Variants in SUPT5H observed in about 807,000 individuals in gnomAD.
SUPT5H encodes the protein transcription elongation factor SPT5.
SUPT5H carries 24 observed loss-of-function variants against 142.5 expected under a neutral mutation model. The observed-to-expected ratio is 0.17, with a 90% CI of 0.12 to 0.24. The LOEUF (loss-of-function observed/expected upper bound fraction) is 0.24. Ranked by LOEUF, SUPT5H falls within the 10% of genes least tolerant of loss-of-function variation. The probability of loss-of-function intolerance (pLI) is 1.00; values close to 1 mark genes in which losing one functional copy is unlikely to be tolerated. For synonymous variants in SUPT5H, 546 were observed against 553.0 expected (o/e 0.99, Z 0.18); for missense variants, 893 against 1,471.8 (o/e 0.61, Z 6.43).
chr19:39,450,828 G>A (rs907580171), intron 2 of SUPT5H, among the ~76,000 whole-genome samples: 4 of 152,170 alleles, frequency 2.6e-5, no homozygotes, highest in African/African-American at 9.7e-5. Flanking sequence ...TAGTGCTACT[G>A]TGTCTTGAAC....
In SUPT5H at chr19:39,458,749, G is replaced by A. The variant is rs112761264; in HGVS notation, c.320-69G>A. The A allele has an allele frequency of 2.5e-5, 36 of 1,447,138 alleles. No individual in the cohort carries two copies. Among genetic ancestry groups the A allele is most frequent in the African/African-American group, 1.4e-4 (10 of 70,686 alleles). The allele number at this position is 1,447,138 out of a possible 1,614,324, so 89.6% of individuals were successfully genotyped here. A position where few individuals can be genotyped will look rare whatever the true frequency, so the allele number is the denominator to read the frequency against. ...CAAACCCTGGCCCTCTTAGCTGCAC[G>A]CTCCTATTTTCTCCAGGCCCCTGCC... On this transcript the variant is annotated intron_variant, in intron 5 of 29. Coordinates refer to ENST00000432763, the MANE Select transcript of SUPT5H (RefSeq NM_001111020.3). The surrounding 1 kb of genome is among the most constrained non-coding windows in gnomAD (Gnocchi z 4.2).
intron 1 of SUPT5H, 23 bp downstream of exon 1, chr19:39,445,660 C>T: frequency 5.3e-6 from 3 of 566,212 alleles, no homozygotes; most frequent in Non-Finnish European, 6.4e-6. Context: ...GCAGAGGTGG[C>T]AGTTCCGGGC....
chr19:39,469,426 G>A lies in SUPT5H; in HGVS notation c.1374+28G>A. 2 of 1,614,108 alleles carry A rather than the reference G, an allele frequency of 1.2e-6. No individual in the cohort carries two copies. Among genetic ancestry groups the A allele is most frequent in the Non-Finnish European group, 1.7e-6 (2 of 1,180,014 alleles). On this transcript the variant is annotated intron_variant, in intron 16 of 29. Coordinates refer to ENST00000432763, the MANE Select transcript of SUPT5H (RefSeq NM_001111020.3). The surrounding 1 kb of genome is among the most constrained non-coding windows in gnomAD (Gnocchi z 5.1). ...GGGTGCCCGGTGTTCTCGGGCAGGG[G>A]TTGGAGTGTTCAGGCACATCTGACT...
intron 3 of SUPT5H, among the ~76,000 whole-genome samples, chr19:39,455,117 A>T (rs2079070633): frequency 6.6e-6 from 1 of 152,230 alleles, no homozygotes; most frequent in Non-Finnish European, 1.5e-5. Context: ...TCGCAGTTGC[A>T]AAAGTTTGGT....
chr19:39,460,075 G>C, intron 10 of SUPT5H, 115 bp downstream of exon 10: 1 of 1,052,036 alleles, frequency 9.5e-7, no homozygotes. Flanking sequence ...TGCCTGCTGA[G>C]TGAGCTGCTT....
rs758041067 is a variant in SUPT5H at position 39,471,421 on chromosome 19, A to G, written c.1742A>G (p.Asn581Ser). 28 of 1,614,092 alleles carry G rather than the reference A, an allele frequency of 1.7e-5. No individual in the cohort carries two copies. Among genetic ancestry groups the G allele is most frequent in the East Asian group, 6.7e-5 (3 of 44,900 alleles). ...RHQAVTRKKD[N>S]RFAVALDSEQ... The stretch of plus-strand genomic sequence containing the variant: ...CAGGCTGTGACCCGGAAGAAGGACA[A>G]CCGCTTTGCTGTGGCCTTGGACTCA... The change falls in exon 19 of 30, where the codon AAC (asparagine) becomes AGC (serine). Residue 581 changes from asparagine (N) to serine (S), a missense_variant. By Grantham distance (46) the Asn-to-Ser change is conservative. This residue lies in a region of SUPT5H where 428 missense variants were observed against 763.5 expected (regional missense o/e 0.56). Coordinates refer to ENST00000432763, the MANE Select transcript of SUPT5H (RefSeq NM_001111020.3).
intron 3 of SUPT5H, among the ~76,000 whole-genome samples, chr19:39,455,426 G>T (rs1322372195): frequency 6.6e-6 from 1 of 151,818 alleles, no homozygotes; most frequent in African/African-American, 2.4e-5. Context: ...GCTGGGCGTG[G>T]TGGCGGGCGC....
chr19:39,451,738 G>T (rs2079025088), intron 2 of SUPT5H, among the ~76,000 whole-genome samples: 2 of 152,094 alleles, frequency 1.3e-5, no homozygotes, highest in Non-Finnish European at 2.9e-5. Flanking sequence ...CACCACATTG[G>T]CTAGGCGGGT....
chr19:39,475,077 C>G (rs560158412), intron 28 of SUPT5H: 1 of 332,436 alleles, frequency 3.0e-6, no homozygotes, highest in African/African-American at 2.1e-5. Context: ...TTTGTTGTGG[C>G]TGGAACATAA....
At chr19:39,467,075 A>T (rs1398938411) in intron 13 of SUPT5H, 2 of 188,914 alleles carry the variant, frequency 1.1e-5, no homozygotes, top group African/African-American at 4.7e-5. Flanking sequence ...GAAAAAAGTT[A>T]AAAAAATATT....
chr19:39,456,167 T>A (rs974540399), intron 3 of SUPT5H, among the ~76,000 whole-genome samples: 1 of 151,852 alleles, frequency 6.6e-6, no homozygotes, highest in Admixed American at 6.6e-5. Context: ...TCCACCCATC[T>A]CGGCCTCCCA....
rs199512686 is a variant in SUPT5H, at chr19:39,473,365, G to A, written c.2386+35G>A. On this transcript the variant is annotated intron_variant, in intron 24 of 29. Coordinates refer to ENST00000432763, the MANE Select transcript of SUPT5H (RefSeq NM_001111020.3). The surrounding 1 kb of genome is among the most constrained non-coding windows in gnomAD (Gnocchi z 5.8). ...CGCAGGGGACAGGGAAGAGGGGCTA[G>A]GGGGACCTAGAGAAGGGACAGGACA... The A allele has an allele frequency of 6.6e-4, 1,059 of 1,613,376 alleles. No individual in the cohort carries two copies. The highest frequency in any genetic ancestry group is 8.5e-4 in the Non-Finnish European group (1,006 of 1,179,850).
intron 2 of SUPT5H, among the ~76,000 whole-genome samples, chr19:39,448,337 G>C (rs2078978764): frequency 6.6e-6 from 1 of 152,172 alleles, no homozygotes; most frequent in Non-Finnish European, 1.5e-5. Context: ...TTGCAGTGAA[G>C]AGTTGGAGAA....
Position 39,470,241 on chromosome 19 carries a change from C to G in SUPT5H, c.1497C>G (p.Phe499Leu). The G allele has an allele frequency of 6.3e-7, 1 of 1,592,336 alleles. No homozygotes were observed. Among genetic ancestry groups the G allele is most frequent in the Non-Finnish European group, 8.6e-7 (1 of 1,165,484 alleles). The stretch of plus-strand genomic sequence containing the variant: ...TCATTGTGCGGGTGGAGGAGAATTT[C>G]GTTATCCTGTTCTCTGACCTCACCA... ...TGLIVRVEEN[F>L]VILFSDLTMH... is the part of the protein sequence containing the mutation. Residue 499 changes from phenylalanine to leucine, a missense_variant, in exon 17 of 30, where the codon TTC (phenylalanine) becomes TTG (leucine). Phe to Leu is a conservative substitution (Grantham distance 22). This residue lies in a region of SUPT5H where 428 missense variants were observed against 763.5 expected (regional missense o/e 0.56). Coordinates refer to ENST00000432763, the MANE Select transcript of SUPT5H (RefSeq NM_001111020.3). The surrounding 1 kb of genome is among the most constrained non-coding windows in gnomAD (Gnocchi z 5.8).
Position 39,458,747 on chromosome 19 carries a change from A to G in SUPT5H, c.320-71A>G. On this transcript the variant is annotated intron_variant, in intron 5 of 29. Transcript: ENST00000432763. This position sits in a 1 kb window ranked among gnomAD's most constrained non-coding sequence, Gnocchi z 4.2. ...GCCAAACCCTGGCCCTCTTAGCTGC[A>G]CGCTCCTATTTTCTCCAGGCCCCTG... 1 of 1,436,730 alleles carries G rather than the reference A, an allele frequency of 7.0e-7. No homozygotes were observed. The highest frequency in any genetic ancestry group is 9.5e-7 in the Non-Finnish European group (1 of 1,053,428). 89.0% of individuals were successfully genotyped at this position (1,436,730 alleles called of 1,614,324 possible).
Position 39,476,449 on chromosome 19 carries a change from T to C in SUPT5H, c.*50T>C. ...TCGGATGAAGAGTGATCCTCCTTCC[T>C]TCCCTGGCCCTTGGCTGTGACACAA... On this transcript the variant is annotated 3_prime_UTR_variant, in exon 30 of 30. Coordinates refer to ENST00000432763, the MANE Select transcript of SUPT5H (RefSeq NM_001111020.3). 6.2e-7 allele frequency: 1 copy of C among 1,607,170 alleles called. No homozygotes were observed. The highest frequency in any genetic ancestry group is 8.5e-7 in the Non-Finnish European group (1 of 1,176,558).
rs772020805 is a variant in SUPT5H at position 39,472,460 on chromosome 19, C to T, written c.2002C>T (p.Arg668Trp). Reference sequence around the variant, plus strand: ...GGGTGGCTTTGCGCCTATGAGTCCCCGGATCAGCAGCCCCATGCACCCCAG... The same window carrying T: ...GGGTGGCTTTGCGCCTATGAGTCCCTGGATCAGCAGCCCCATGCACCCCAG... ...TVGGFAPMSP[R>W]ISSPMHPSAG... Residue 668 changes from arginine to tryptophan, a missense_variant, in exon 21 of 30, where the codon CGG becomes TGG. Coordinates refer to ENST00000432763, the MANE Select transcript of SUPT5H (RefSeq NM_001111020.3). The surrounding 1 kb of genome is among the most constrained non-coding windows in gnomAD (Gnocchi z 4.2). 24 of 1,614,048 alleles carry T rather than the reference C, an allele frequency of 1.5e-5. No homozygotes were observed. Among genetic ancestry groups the T allele is most frequent in the Non-Finnish European group, 1.4e-5 (17 of 1,179,990 alleles).
chr19:39,470,547 G>A lies in SUPT5H; in HGVS notation c.1677+24G>A, dbSNP rs755681351. ...AGGTGTGTGTGTTGTGCTCTGTGGC[G>A]GGGACTTGCTTTTAGGAGGCTTCCT... On this transcript the variant is annotated intron_variant, in intron 18 of 29. Coordinates refer to ENST00000432763, the MANE Select transcript of SUPT5H (RefSeq NM_001111020.3). The surrounding 1 kb of genome is among the most constrained non-coding windows in gnomAD (Gnocchi z 5.8). The A allele has an allele frequency of 4.7e-5, 70 of 1,496,384 alleles. No individual in the cohort carries two copies. The highest frequency in any genetic ancestry group is 2.7e-4 in the South Asian group (20 of 72,906). The allele number at this position is 1,496,384 out of a possible 1,614,324, so 92.7% of individuals were successfully genotyped here.
chr19:39,452,649 A>G lies in SUPT5H; in HGVS notation c.76-707A>G, dbSNP rs536735941. Among the ~76,000 whole-genome samples, 7 of 152,178 alleles carry G rather than the reference A, an allele frequency of 4.6e-5. No individual in the cohort carries two copies. In the South Asian group the frequency reaches 1.5e-3, roughly 32 times the overall value. On this transcript the variant is annotated intron_variant, in intron 2 of 29. Transcript: ENST00000432763. ...AGTGTGGACTAGAAACAGAGATGGGAGTCACTGTCACAGAGATGTCCACCA... is the reference window on the plus strand; with the variant it reads ...AGTGTGGACTAGAAACAGAGATGGGGGTCACTGTCACAGAGATGTCCACCA...
Sources: allele counts gnomAD v4.1 joint callset (sites outside exome capture counted in the v4.1 genomes callset), GRCh38; gene constraint gnomAD v4.1.1; regional missense constraint gnomAD v4.1.1; non-coding constraint Gnocchi (gnomAD v3.1); transcripts MANE v1.5; gene names NCBI Gene and HGNC (gene_info 2026-07-23, HGNC 2026-07-21).